The following GABRB3 variants were observed in gnomAD, a reference collection of about 807,000 sequenced individuals.
The protein encoded by GABRB3 is gamma-aminobutyric acid receptor subunit beta-3.
In GABRB3, 14 loss-of-function variants were observed where a neutral mutation model predicts 52.1. That is an observed-to-expected ratio of 0.27 (90% CI 0.18 to 0.42). The LOEUF (loss-of-function observed/expected upper bound fraction) is 0.42, where lower values mean the gene tolerates loss of function less well. GABRB3 is among the 10% of genes least tolerant of loss of function. The pLI, the probability that GABRB3 is intolerant of heterozygous loss-of-function variation, is 1.00. For synonymous variants in GABRB3, 260 were observed against 232.3 expected, an observed-to-expected ratio of 1.12 and a Z score of -1.08; for missense variants, 307 against 609.1, an observed-to-expected ratio of 0.50 and a Z score of 5.22.
intron 3 of GABRB3, among the ~76,000 whole-genome samples, chr15:26,690,600 G>C (rs575533213): frequency 7.2e-5 from 11 of 151,912 alleles, no homozygotes; most frequent in Non-Finnish European, 1.2e-4. Flanking sequence ...GTGATGGGTA[G>C]TGGGCACACT....
intron 3 of GABRB3, among the ~76,000 whole-genome samples, chr15:26,675,017 T>C (rs1888023866): frequency 6.6e-6 from 1 of 152,156 alleles, no homozygotes; most frequent in African/African-American, 2.4e-5. Flanking sequence ...CCTGAGAAGG[T>C]AGGATCAAAC....
At chr15:26,593,583 G>C (rs553427926) in intron 4 of GABRB3, among the ~76,000 whole-genome samples, 15 of 152,118 alleles carry the variant, frequency 9.9e-5, no homozygotes, top group Non-Finnish European at 2.1e-4. Flanking sequence ...GTCTTTTTCT[G>C]CCTGGTTTAG....
At chr15:26,719,770 G>A (rs1030493429) in intron 3 of GABRB3, among the ~76,000 whole-genome samples, 3 of 152,104 alleles carry the variant, frequency 2.0e-5, no homozygotes, top group African/African-American at 7.2e-5. Flanking sequence ...AAGAAATTAG[G>A]ACAATAAGAG....
intron 3 of GABRB3, among the ~76,000 whole-genome samples, chr15:26,695,726 CAAAT>C (rs1305790870): frequency 6.6e-6 from 1 of 151,952 alleles, no homozygotes; most frequent in Non-Finnish European, 1.5e-5. Context: ...ATTGATCTAA[CAAAT>C]AACTGTTCAA....
chr15:26,708,829 C>T (rs1889192004), intron 3 of GABRB3, among the ~76,000 whole-genome samples: 1 of 152,144 alleles, frequency 6.6e-6, no homozygotes, highest in African/African-American at 2.4e-5. Context: ...CAGCTTTTCC[C>T]TTCCTCAGCT....
At chr15:26,676,518 A>C (rs1888074798) in intron 3 of GABRB3, among the ~76,000 whole-genome samples, 2 of 152,232 alleles carry the variant, frequency 1.3e-5, no homozygotes. Flanking sequence ...ACACAGGTGC[A>C]CAGGGGCAGA....
chr15:26,559,275 T>C (rs571657070), intron 8 of GABRB3, among the ~76,000 whole-genome samples: 1 of 152,314 alleles, frequency 6.6e-6, no homozygotes, highest in African/African-American at 2.4e-5. Flanking sequence ...CCCCTCCTCC[T>C]TGTTCCTACT....
At chr15:26,669,991 G>A (rs1042191518) in intron 3 of GABRB3, among the ~76,000 whole-genome samples, 1 of 152,204 alleles carries the variant, frequency 6.6e-6, no homozygotes, top group Non-Finnish European at 1.5e-5. Context: ...TTCCAGAGAG[G>A]CCCTGTCCAT....
At chr15:26,711,347 A>G (rs1248657478) in intron 3 of GABRB3, among the ~76,000 whole-genome samples, 2 of 152,120 alleles carry the variant, frequency 1.3e-5, no homozygotes, top group African/African-American at 4.8e-5. Flanking sequence ...CCACCACATA[A>G]CAGTAAGTTT....
At chr15:26,560,834 T>C in intron 8 of GABRB3, 98 bp downstream of exon 8, 4 of 1,539,824 alleles carry the variant, frequency 2.6e-6, no homozygotes, top group Middle Eastern at 4.7e-4. Context: ...TGGCTTGACA[T>C]ACACTACTGG....
chr15:26,647,029 T>C (rs1461612760), intron 3 of GABRB3, among the ~76,000 whole-genome samples: 3 of 152,022 alleles, frequency 2.0e-5, no homozygotes, highest in East Asian at 1.9e-4. Flanking sequence ...ATTTTTAGTA[T>C]AGACGGGGTT....
intron 3 of GABRB3, among the ~76,000 whole-genome samples, chr15:26,633,102 C>G (rs1329002712): frequency 6.6e-6 from 1 of 152,166 alleles, no homozygotes; most frequent in Non-Finnish European, 1.5e-5. Context: ...CCAAAATTAT[C>G]TGGAGCAGGC....
At position 26,551,502 on chromosome 15, in the gene GABRB3, A is replaced by C. The variant is rs1290218232; in HGVS notation, c.1081-3368T>G. 3.9e-5 allele frequency among the ~76,000 whole-genome samples: 6 copies of C among 152,310 alleles called. No individual in the cohort carries two copies. In the East Asian group the frequency reaches 1.2e-3, roughly 30 times the overall value. On this transcript the variant is annotated intron_variant, in intron 8 of 8. Transcript: ENST00000311550. ...AGCAACGCTGGGCCTTCGCCTGCCC[A>C]GTGCTGAATCTCCGCAGCTCAGGGG... is the stretch of plus-strand genomic sequence containing the variant.
chr15:26,611,237 T>C (rs1892058643), intron 4 of GABRB3, among the ~76,000 whole-genome samples: 2 of 152,210 alleles, frequency 1.3e-5, no homozygotes. Flanking sequence ...GAATAAATCC[T>C]TGTAGGTGAA....
At chr15:26,680,303 T>C (rs1256516286) in intron 3 of GABRB3, among the ~76,000 whole-genome samples, 1 of 152,214 alleles carries the variant, frequency 6.6e-6, no homozygotes, top group Non-Finnish European at 1.5e-5. Flanking sequence ...TATCTCTCTA[T>C]ATACATCCTA....
intron 4 of GABRB3, among the ~76,000 whole-genome samples, chr15:26,593,458 A>G (rs1055189433): frequency 1.4e-3 from 220 of 152,304 alleles, no homozygotes; most frequent in African/African-American, 5.1e-3. Flanking sequence ...CCTTTTAAAC[A>G]ATAACATCGA....
chr15:26,557,430 T>C lies in GABRB3; in HGVS notation c.1080+3502A>G, dbSNP rs575877962. ...ACATGTACCCTTGAAGCTAAGATGA[T>C]AGTTAAAAAAAGAAACTGTAGAAGC... On this transcript the variant is annotated intron_variant, in intron 8 of 8. Coordinates refer to ENST00000311550, the MANE Select transcript of GABRB3 (RefSeq NM_000814.6). Among the ~76,000 whole-genome samples, 16 of 152,256 alleles carry C rather than the reference T, an allele frequency of 1.1e-4. No individual in the cohort carries two copies. In the South Asian group the frequency reaches 2.7e-3, roughly 26 times the overall value.
intron 6 of GABRB3, among the ~76,000 whole-genome samples, chr15:26,577,616 ATCACAAAG>A (rs1177813066): frequency 1.3e-5 from 2 of 152,178 alleles, no homozygotes; most frequent in East Asian, 1.9e-4. Flanking sequence ...AAACAGAAAA[ATCACAAAG>A]TCATCTGCAG....
intron 3 of GABRB3, among the ~76,000 whole-genome samples, chr15:26,637,658 A>C (rs984617228): frequency 1.3e-5 from 2 of 152,238 alleles, no homozygotes; most frequent in African/African-American, 4.8e-5. Flanking sequence ...ACTTCCAGTG[A>C]AAATTTCTCT....
Sources: allele counts gnomAD v4.1 joint callset (sites outside exome capture counted in the v4.1 genomes callset), GRCh38; gene constraint gnomAD v4.1.1; transcripts MANE v1.5; gene names NCBI Gene and HGNC (gene_info 2026-07-23, HGNC 2026-07-21).